The following RALYL variants were observed in gnomAD, a reference collection of about 807,000 sequenced individuals.
RALYL encodes RALY RNA binding protein like, also known as RNA-binding Raly-like protein.
Under a neutral mutation model 35.1 loss-of-function variants are expected in RALYL, and 29 were observed. The ratio of observed to expected loss-of-function variants is 0.83; its 90% CI spans 0.61 to 1.13. RALYL has a LOEUF of 1.13. Ranked by LOEUF, RALYL falls within the 50% of genes most tolerant of loss-of-function variation. RALYL has a pLI of 0.00. For synonymous variants in RALYL, 120 were observed against 127.6 expected, an observed-to-expected ratio of 0.94 and a Z score of 0.40; for missense variants, 359 against 360.4, an observed-to-expected ratio of 1.00 and a Z score of 0.03.
chr8:84,728,015 T>G (rs572189365), intron 2 of RALYL, among the ~76,000 whole-genome samples: 14 of 151,872 alleles, frequency 9.2e-5, no homozygotes, highest in African/African-American at 2.9e-4. Flanking sequence ...GGTCAAATGG[T>G]ATTTCTAGTT....
intron 2 of RALYL, among the ~76,000 whole-genome samples, chr8:84,673,990 T>C (rs888678289): frequency 1.3e-5 from 2 of 152,216 alleles, no homozygotes; most frequent in Admixed American, 6.5e-5. Flanking sequence ...TTTCATGATA[T>C]TGATACTTCC....
At position 84,546,502 on chromosome 8, in the gene RALYL, T is replaced by G. The variant is rs1383930774; in HGVS notation, c.256+16925T>G. Reference sequence around the variant, plus strand: ...TTTTAGCATCATGGAGATGACCATCTGACTTTTCTCCACAACTCTACCAAT... The same window carrying G: ...TTTTAGCATCATGGAGATGACCATCGGACTTTTCTCCACAACTCTACCAAT... On this transcript the variant is annotated intron_variant, in intron 2 of 8. Transcript: ENST00000521268. Among the ~76,000 whole-genome samples, 4 of 152,246 alleles carry G rather than the reference T, an allele frequency of 2.6e-5. No homozygotes were observed. In the South Asian group the frequency reaches 8.3e-4, roughly 31 times the overall value.
intron 2 of RALYL, among the ~76,000 whole-genome samples, chr8:84,559,913 G>GT (rs2061370441): frequency 6.6e-6 from 1 of 151,530 alleles, no homozygotes; most frequent in African/African-American, 2.4e-5. Flanking sequence ...CAAGAGTACT[G>GT]TAGAGGCATA....
chr8:84,877,073 A>G (rs1841287942), intron 7 of RALYL, among the ~76,000 whole-genome samples: 1 of 152,196 alleles, frequency 6.6e-6, no homozygotes, highest in Non-Finnish European at 1.5e-5. Flanking sequence ...CTCCCATTGC[A>G]GGTTTTCCTT....
chr8:84,605,853 T>A (rs1230705873), intron 2 of RALYL, among the ~76,000 whole-genome samples: 1 of 152,126 alleles, frequency 6.6e-6, no homozygotes, highest in Non-Finnish European at 1.5e-5. Flanking sequence ...TGAACTATGA[T>A]GCTCGTGGCT....
intron 1 of RALYL, among the ~76,000 whole-genome samples, chr8:84,309,620 A>G (rs1320340363): frequency 2.6e-5 from 4 of 152,190 alleles, no homozygotes; most frequent in Non-Finnish European, 5.9e-5. Context: ...ACTATCTTCT[A>G]TTAGTAAAAA....
intron 1 of RALYL, among the ~76,000 whole-genome samples, chr8:84,259,549 C>T (rs780058863): frequency 2.0e-5 from 3 of 152,156 alleles, no homozygotes; most frequent in Non-Finnish European, 4.4e-5. Context: ...CAATCTTCCT[C>T]ATGGCAGTTT....
chr8:84,404,209 T>G (rs767988022), intron 1 of RALYL, among the ~76,000 whole-genome samples: 2 of 152,054 alleles, frequency 1.3e-5, no homozygotes, highest in Non-Finnish European at 2.9e-5. Flanking sequence ...CAATATTATG[T>G]TAAATAGGAG....
chr8:84,510,171 A>C (rs191397726), intron 1 of RALYL, among the ~76,000 whole-genome samples: 12 of 152,284 alleles, frequency 7.9e-5, no homozygotes, highest in Admixed American at 2.0e-4. Flanking sequence ...GATTTCTTTC[A>C]TCAGAATTTT....
intron 1 of RALYL, among the ~76,000 whole-genome samples, chr8:84,222,046 G>A (rs1451360324): frequency 6.6e-6 from 1 of 151,926 alleles, no homozygotes; most frequent in Non-Finnish European, 1.5e-5. Flanking sequence ...ATGATATTGG[G>A]CAAGTAAAAT....
rs112006507 is a variant in RALYL, at chr8:84,664,244, G to A, written c.257-110335G>A. On this transcript the variant is annotated intron_variant, in intron 2 of 8. Transcript: ENST00000521268. ...ATAGCATAGTTTGAAGTCAGGTAGC[G>A]TGAGTGTGATGCCTCTAGATTTTTT... is the stretch of plus-strand genomic sequence containing the variant. Among the ~76,000 whole-genome samples the A allele has an allele frequency of 7.1e-3, 1,025 of 144,164 alleles. 10 individuals are homozygous for A. The highest frequency in any genetic ancestry group is 0.025 in the African/African-American group (961 of 38,702). The allele number at this position is 144,164 out of a possible 152,430, so 94.6% of individuals were successfully genotyped here.
At chr8:84,617,551 G>T (rs1369436175) in intron 2 of RALYL, among the ~76,000 whole-genome samples, 1 of 150,150 alleles carries the variant, frequency 6.7e-6, no homozygotes, top group Non-Finnish European at 1.5e-5. Context: ...GGGACAATTT[G>T]ACTTCCTCTT....
At chr8:84,607,036 G>T (rs769134672) in intron 2 of RALYL, among the ~76,000 whole-genome samples, 14 of 152,008 alleles carry the variant, frequency 9.2e-5, no homozygotes, top group Non-Finnish European at 1.8e-4. Context: ...TAAATCTAAA[G>T]TGCCACATTC....
At chr8:84,398,807 C>G (rs140058103) in intron 1 of RALYL, among the ~76,000 whole-genome samples, 85 of 152,152 alleles carry the variant, frequency 5.6e-4, no homozygotes, top group Non-Finnish European at 9.6e-4. Context: ...AACCCCATCT[C>G]TACTAAAAAT....
At chr8:84,518,211 TAGC>T (rs61094064) in intron 1 of RALYL, among the ~76,000 whole-genome samples, 54,703 of 151,934 alleles carry the variant, frequency 0.36, 10,022 homozygotes, top group South Asian at 0.51. Flanking sequence ...AGTAAGATCT[TAGC>T]AAACTTTAAC....
At chr8:84,677,275 C>A (rs1180901787) in intron 2 of RALYL, among the ~76,000 whole-genome samples, 2 of 151,992 alleles carry the variant, frequency 1.3e-5, no homozygotes, top group East Asian at 3.9e-4. Flanking sequence ...ATTAAATAGA[C>A]CAATAAAAAG....
In RALYL at chr8:84,428,106, T is replaced by TCTCA. The variant is rs1182382963; in HGVS notation, c.-23-101192_-23-101191insTCAC. Among the ~76,000 whole-genome samples the TCTCA allele has an allele frequency of 2.9e-3, 374 of 127,320 alleles. 1 individual carries two copies. The highest frequency in any genetic ancestry group is 8.5e-3 in the Middle Eastern group (2 of 234). 83.5% of individuals were successfully genotyped at this position (127,320 alleles called of 152,430 possible). ...CTCTCTCTCTCTCTCTCTCTCTCTC[T>TCTCA]CACACACACACACACACACACACAC... On this transcript the variant is annotated intron_variant, in intron 1 of 8. Coordinates refer to ENST00000521268, the MANE Select transcript of RALYL (RefSeq NM_173848.7).
At chr8:84,220,898 A>G (rs1244725796) in intron 1 of RALYL, among the ~76,000 whole-genome samples, 1 of 152,018 alleles carries the variant, frequency 6.6e-6, no homozygotes, top group Non-Finnish European at 1.5e-5. Context: ...ATACTATCTT[A>G]GTAAACCTCA....
At chr8:84,902,826 A>C (rs988122360) in intron 8 of RALYL, among the ~76,000 whole-genome samples, 5 of 152,176 alleles carry the variant, frequency 3.3e-5, no homozygotes, top group African/African-American at 1.2e-4. Flanking sequence ...CATGTTTATG[A>C]AAATCCCTGC....
Sources: allele counts gnomAD v4.1 joint callset (sites outside exome capture counted in the v4.1 genomes callset), GRCh38; gene constraint gnomAD v4.1.1; transcripts MANE v1.5; gene names NCBI Gene and HGNC (gene_info 2026-07-23, HGNC 2026-07-21).